Variants in GTSF1 observed in about 807,000 individuals in gnomAD.
GTSF1 encodes the protein gametocyte-specific factor 1.
Under a neutral mutation model 28.9 loss-of-function variants are expected in GTSF1, and 11 were observed. That is an observed-to-expected ratio of 0.38 (90% confidence interval 0.24 to 0.63). The LOEUF (loss-of-function observed/expected upper bound fraction) is 0.63. GTSF1 is among the 30% of genes least tolerant of loss of function. The pLI, the probability that GTSF1 is intolerant of heterozygous loss-of-function variation, is 0.56. For missense variants in GTSF1, 146 were observed against 201.0 expected (o/e 0.73, Z 1.66); for synonymous variants, 69 against 65.6 (o/e 1.05, Z -0.25).
At chr12:54,468,238 T>C (rs1169475399) in intron 2 of GTSF1, among the ~76,000 whole-genome samples, 1 of 152,202 alleles carries the variant, frequency 6.6e-6, no homozygotes, top group Non-Finnish European at 1.5e-5. Flanking sequence ...CAAGTGATTC[T>C]TGTGCCTCCA....
At chr12:54,467,952 T>A (rs1458788883) in intron 2 of GTSF1, among the ~76,000 whole-genome samples, 1 of 150,776 alleles carries the variant, frequency 6.6e-6, no homozygotes, top group Non-Finnish European at 1.5e-5. Flanking sequence ...TTTTTTGTAT[T>A]TTTAGTAGAG....
chr12:54,458,833 A>T (rs998543563), intron 8 of GTSF1, among the ~76,000 whole-genome samples: 8 of 131,644 alleles, frequency 6.1e-5, no homozygotes, highest in African/African-American at 1.9e-4. Flanking sequence ...CAACTTTGAT[A>T]AAAAAAAAAA....
chr12:54,456,417 T>A (rs944219745), intron 8 of GTSF1, among the ~76,000 whole-genome samples: 1 of 152,220 alleles, frequency 6.6e-6, no homozygotes, highest in Non-Finnish European at 1.5e-5. Context: ...GTTTTACAAG[T>A]GAGGAGAATA....
chr12:54,458,037 C>A (rs897866772), intron 8 of GTSF1, among the ~76,000 whole-genome samples: 3 of 152,204 alleles, frequency 2.0e-5, no homozygotes, highest in Admixed American at 2.0e-4. Flanking sequence ...AGTGAACAGA[C>A]TGGAATGCAA....
At chr12:54,457,726 G>T (rs1407222691) in intron 8 of GTSF1, among the ~76,000 whole-genome samples, 1 of 152,206 alleles carries the variant, frequency 6.6e-6, no homozygotes, top group Non-Finnish European at 1.5e-5. Context: ...AAGTAGCTGG[G>T]ATGATAGGTG....
intron 2 of GTSF1, among the ~76,000 whole-genome samples, chr12:54,467,516 T>C (rs1292040084): frequency 6.6e-6 from 1 of 152,094 alleles, no homozygotes; most frequent in African/African-American, 2.4e-5. Flanking sequence ...GGTTTCATCA[T>C]GTTGGTCAGG....
In GTSF1 at chr12:54,459,288, G is replaced by A. The variant is rs1005822586; in HGVS notation, c.488-163C>T. The A allele has an allele frequency of 9.7e-6, 14 of 1,436,906 alleles. No individual in the cohort carries two copies. The Admixed American group carries it at 3.6e-4, about 37-fold the overall frequency. 89.0% of individuals were successfully genotyped at this position (1,436,906 alleles called of 1,614,324 possible). On this transcript the variant is annotated intron_variant, in intron 7 of 8. Transcript: ENST00000305879. The stretch of plus-strand genomic sequence containing the variant: ...AATCAGATTTCATTCAAGAGCATGG[G>A]AAAAGAAAATAGACCTTTACCTACC...
chr12:54,459,453 T>A, intron 7 of GTSF1: 1 of 1,329,684 alleles, frequency 7.5e-7, no homozygotes, highest in Admixed American at 2.3e-5. Flanking sequence ...AGAATCTGAA[T>A]CTAGGGGCAA....
chr12:54,456,000 G>C lies in GTSF1; in HGVS notation c.*174C>G, dbSNP rs1449003720. 2 of 152,524 alleles carry C rather than the reference G, an allele frequency of 1.3e-5. No individual in the cohort carries two copies. Among genetic ancestry groups the C allele is most frequent in the African/African-American group, 4.8e-5 (2 of 41,420 alleles). 9.4% of individuals were successfully genotyped at this position (152,524 alleles called of 1,614,324 possible). A position where few individuals can be genotyped will look rare whatever the true frequency, so the allele number is the denominator to read the frequency against. On this transcript the variant is annotated 3_prime_UTR_variant, in exon 9 of 9. Transcript: ENST00000305879. ...TATTTGGAAGCTTCTGAGTATGAGGGTTCTTGCATTAAATGAGGATTCAAG... is the reference window on the plus strand; with the variant it reads ...TATTTGGAAGCTTCTGAGTATGAGGCTTCTTGCATTAAATGAGGATTCAAG...
chr12:54,469,058 G>A (rs946414228), intron 2 of GTSF1: 1 of 152,212 alleles, frequency 6.6e-6, no homozygotes, highest in Non-Finnish European at 1.5e-5. Context: ...ATACCATACA[G>A]GGACTTCACA....
At position 54,473,558 on chromosome 12, in the gene GTSF1, A is replaced by G. The variant is rs1329254063; in HGVS notation, c.-42T>C. ...TGCCTTTCCTTACCTCGGTGGACAC[A>G]CACCTTCCTCACAGTCACCTTCCTC... On this transcript the variant is annotated 5_prime_UTR_variant, in exon 1 of 9. Transcript: ENST00000305879. 1 of 152,188 alleles carries G rather than the reference A, an allele frequency of 6.6e-6. No homozygotes were observed. Among genetic ancestry groups the G allele is most frequent in the African/African-American group, 2.4e-5 (1 of 41,426 alleles). The allele number at this position is 152,188 out of a possible 1,614,324, so 9.4% of individuals were successfully genotyped here.
intron 5 of GTSF1, among the ~76,000 whole-genome samples, chr12:54,462,419 G>A (rs1422284561): frequency 6.6e-6 from 1 of 152,062 alleles, no homozygotes; most frequent in African/African-American, 2.4e-5. Flanking sequence ...CACAATTTAT[G>A]GAAAAAAACA....
rs1956488545 is a variant in GTSF1 at position 54,465,061 on chromosome 12, C to T, written c.117+6G>A. 1 of 1,605,770 alleles carries T rather than the reference C, an allele frequency of 6.2e-7. No homozygotes were observed. The highest frequency in any genetic ancestry group is 8.5e-7 in the Non-Finnish European group (1 of 1,173,060). On this transcript the variant is annotated splice_donor_region_variant and intron_variant, in intron 3 of 8. Transcript: ENST00000305879. ...GAGGGTGTTAGAGGGCAAATTATGA[C>T]CCTACCTTTCTGCACTTGATAAGAT... is the stretch of plus-strand genomic sequence containing the variant.
chr12:54,464,063 T>C (rs1940788157), intron 3 of GTSF1, among the ~76,000 whole-genome samples: 1 of 152,114 alleles, frequency 6.6e-6, no homozygotes, highest in Non-Finnish European at 1.5e-5. Context: ...GTAAAAATAA[T>C]ATGAAGTAGG....
chr12:54,469,687 C>CAAAAAAAAAA (rs375917825), intron 2 of GTSF1, among the ~76,000 whole-genome samples: 1 of 57,626 alleles, frequency 1.7e-5, no homozygotes, highest in Non-Finnish European at 3.3e-5. Context: ...GACTCCTTCT[C>CAAAAAAAAAA]AAAAAAAAAA....
At chr12:54,461,548 C>T (rs1156905769) in intron 6 of GTSF1, among the ~76,000 whole-genome samples, 1 of 151,956 alleles carries the variant, frequency 6.6e-6, no homozygotes, top group Non-Finnish European at 1.5e-5. Context: ...TTGAGAGGCC[C>T]AGGGGGATCG....
Position 54,471,216 on chromosome 12 carries a change from C to A in GTSF1, c.16+17G>T. ...AATGATTTAACTTATTTTCTAAAAGCAACAAGGAGTACATACTGTAAGTTT... is the reference window on the plus strand; with the variant it reads ...AATGATTTAACTTATTTTCTAAAAGAAACAAGGAGTACATACTGTAAGTTT... On this transcript the variant is annotated intron_variant, in intron 2 of 8. Coordinates refer to ENST00000305879, the MANE Select transcript of GTSF1 (RefSeq NM_144594.3). 6.4e-7 allele frequency: 1 copy of A among 1,561,684 alleles called. No individual in the cohort carries two copies. Among genetic ancestry groups the A allele is most frequent in the Non-Finnish European group, 8.7e-7 (1 of 1,154,632 alleles).
intron 6 of GTSF1, among the ~76,000 whole-genome samples, chr12:54,461,571 A>T (rs987914959): frequency 6.6e-6 from 1 of 152,064 alleles, no homozygotes; most frequent in Non-Finnish European, 1.5e-5. Flanking sequence ...TGAGCCCAGG[A>T]GGCAGAGCCT....
At chr12:54,469,417 T>C (rs905214514) in intron 2 of GTSF1, among the ~76,000 whole-genome samples, 2 of 101,526 alleles carry the variant, frequency 2.0e-5, no homozygotes, top group African/African-American at 7.8e-5. Context: ...CCAGGCGTAG[T>C]GGCTTATGCT....
Sources: allele counts gnomAD v4.1 joint callset (sites outside exome capture counted in the v4.1 genomes callset), GRCh38; gene constraint gnomAD v4.1.1; transcripts MANE v1.5; gene names NCBI Gene and HGNC (gene_info 2026-07-23, HGNC 2026-07-21).